Variants in SLIT3 observed in about 807,000 individuals in gnomAD.
SLIT3 encodes slit guidance ligand 3, also known as slit homolog 3 protein.
Under a neutral mutation model 184.0 loss-of-function variants are expected in SLIT3, and 68 were observed. The observed-to-expected ratio is 0.37, with a 90% CI of 0.30 to 0.45. The LOEUF is 0.45. SLIT3 is among the 20% of genes least tolerant of loss of function. The pLI, the probability that SLIT3 is intolerant of heterozygous loss-of-function variation, is 1.00. For missense variants in SLIT3, 1,707 were observed against 2,026.0 expected (o/e 0.84, Z 3.02); for synonymous variants, 831 against 828.6 (o/e 1.00, Z -0.05).
intron 4 of SLIT3, among the ~76,000 whole-genome samples, chr5:169,017,287 T>C (rs905255147): frequency 1.3e-5 from 2 of 152,212 alleles, no homozygotes; most frequent in East Asian, 1.9e-4. Context: ...TTCCAGATAG[T>C]TGACTTCCCC....
chr5:168,765,760 A>G (rs1021833087), intron 14 of SLIT3, among the ~76,000 whole-genome samples: 1 of 152,106 alleles, frequency 6.6e-6, no homozygotes, highest in Non-Finnish European at 1.5e-5. Flanking sequence ...ATCCCAGAGG[A>G]TTTGAAGAAG....
chr5:168,671,156 C>T, intron 34 of SLIT3, 42 bp downstream of exon 34: 2 of 1,583,150 alleles, frequency 1.3e-6, no homozygotes, highest in Non-Finnish European at 1.7e-6. Context: ...TGAGGCCATT[C>T]TGGGAGCTCG....
intron 5 of SLIT3, among the ~76,000 whole-genome samples, chr5:168,858,538 G>A (rs1223940187): frequency 2.0e-5 from 3 of 152,202 alleles, no homozygotes; most frequent in Non-Finnish European, 4.4e-5. Flanking sequence ...CCATCCAAAT[G>A]CCACTTACAT....
At chr5:168,707,483 G>A (rs967121894) in intron 26 of SLIT3, 1 of 155,426 alleles carries the variant, frequency 6.4e-6, no homozygotes, top group African/African-American at 2.4e-5. Context: ...TCAACCTTTT[G>A]GGTGAGTTTG....
rs563804789 is a variant in SLIT3 at position 169,186,490 on chromosome 5, T to C, written c.413+6989A>G. On this transcript the variant is annotated intron_variant, in intron 4 of 35. Transcript: ENST00000519560. ...GTGATGGTAGCTGAGCAAGCTATTA[T>C]AGGAGCTATGATTAGCATTCCTATT... Among the ~76,000 whole-genome samples the C allele has an allele frequency of 3.3e-5, 5 of 152,374 alleles. No individual in the cohort carries two copies. In the South Asian group the frequency reaches 6.2e-4, roughly 19 times the overall value.
At chr5:168,751,028 A>G (rs1251506773) in intron 18 of SLIT3, among the ~76,000 whole-genome samples, 2 of 142,040 alleles carry the variant, frequency 1.4e-5, no homozygotes, top group Non-Finnish European at 3.0e-5. Flanking sequence ...CCTTGAGCAA[A>G]GGTGGAAGGG....
chr5:168,973,727 C>T (rs1754659636), intron 4 of SLIT3, among the ~76,000 whole-genome samples: 1 of 152,192 alleles, frequency 6.6e-6, no homozygotes, highest in South Asian at 2.1e-4. Flanking sequence ...TAGCCACAAA[C>T]TCCTATACCC....
At chr5:169,263,840 G>C in intron 1 of SLIT3, 1 of 325,116 alleles carries the variant, frequency 3.1e-6, no homozygotes, top group South Asian at 2.3e-5. Context: ...CCTGTTTCCT[G>C]TGTGTCTGCC....
At chr5:168,738,937 C>CAAA (rs34133933) in intron 20 of SLIT3, among the ~76,000 whole-genome samples, 4,798 of 84,228 alleles carry the variant, frequency 0.057, 265 homozygotes, top group African/African-American at 0.08. Flanking sequence ...GACTCCATCT[C>CAAA]AAAAAAAAAA....
At chr5:169,204,090 A>G (rs1763987856) in intron 3 of SLIT3, among the ~76,000 whole-genome samples, 2 of 152,088 alleles carry the variant, frequency 1.3e-5, no homozygotes, top group South Asian at 4.1e-4. Flanking sequence ...TCTGGGCTAC[A>G]CGAGCCAGAG....
chr5:169,216,445 A>G (rs572896953), intron 3 of SLIT3, among the ~76,000 whole-genome samples: 1 of 152,372 alleles, frequency 6.6e-6, no homozygotes, highest in South Asian at 2.1e-4. Context: ...ACAATGGATT[A>G]TATCTAGAAC....
intron 4 of SLIT3, among the ~76,000 whole-genome samples, chr5:169,060,009 A>C (rs947831207): frequency 4.6e-5 from 7 of 152,358 alleles, no homozygotes; most frequent in African/African-American, 7.2e-5. Context: ...ACACAGAAAG[A>C]AGCCAGCCAT....
chr5:168,946,615 C>T (rs962894979), intron 4 of SLIT3, among the ~76,000 whole-genome samples: 3 of 152,214 alleles, frequency 2.0e-5, no homozygotes, highest in Non-Finnish European at 4.4e-5. Flanking sequence ...CTGCAGGTTT[C>T]TGGGCTGATT....
At chr5:169,154,686 G>T (rs979383387) in intron 4 of SLIT3, among the ~76,000 whole-genome samples, 8 of 152,238 alleles carry the variant, frequency 5.3e-5, no homozygotes, top group African/African-American at 1.9e-4. Flanking sequence ...AATTTGTGAT[G>T]AATGTAAATT....
chr5:169,206,404 A>C (rs1764068896), intron 3 of SLIT3, among the ~76,000 whole-genome samples: 2 of 152,188 alleles, frequency 1.3e-5, no homozygotes, highest in African/African-American at 4.8e-5. Flanking sequence ...TAGGCCTTTC[A>C]TCTAGGTCTC....
intron 5 of SLIT3, among the ~76,000 whole-genome samples, chr5:168,875,603 C>T (rs892925551): frequency 2.6e-5 from 4 of 151,082 alleles, no homozygotes; most frequent in South Asian, 2.1e-4. Context: ...CACTGCACCC[C>T]GGCCTGGGCA....
intron 4 of SLIT3, among the ~76,000 whole-genome samples, chr5:168,895,420 CAGA>C (rs1760627456): frequency 6.6e-6 from 1 of 152,160 alleles, no homozygotes; most frequent in Non-Finnish European, 1.5e-5. Context: ...TGTAACTTTT[CAGA>C]AGACCATTAA....
chr5:168,856,155 C>T (rs1266755244), intron 5 of SLIT3, among the ~76,000 whole-genome samples: 1 of 152,162 alleles, frequency 6.6e-6, no homozygotes, highest in East Asian at 1.9e-4. Context: ...GATGGGTGCA[C>T]TACATTGCGA....
At chr5:168,995,064 G>A (rs975247355) in intron 4 of SLIT3, among the ~76,000 whole-genome samples, 1 of 152,076 alleles carries the variant, frequency 6.6e-6, no homozygotes, top group Non-Finnish European at 1.5e-5. Context: ...CTGGTGTCTT[G>A]CCTAAGATCA....
Sources: allele counts gnomAD v4.1 joint callset (sites outside exome capture counted in the v4.1 genomes callset), GRCh38; gene constraint gnomAD v4.1.1; transcripts MANE v1.5; gene names NCBI Gene and HGNC (gene_info 2026-07-23, HGNC 2026-07-21).